Variants in ANO2 observed in about 807,000 individuals in gnomAD.
ANO2 encodes the protein anoctamin-2.
A neutral mutation model predicts 124.2 loss-of-function variants in ANO2; 101 were observed. The observed-to-expected ratio is 0.81, with a 90% CI of 0.69 to 0.96. ANO2 has a LOEUF of 0.96. Among genes scored for constraint, ANO2 ranks in the 40% least tolerant of loss-of-function variants. ANO2 has a pLI of 0.00. For missense variants in ANO2, 1,293 were observed against 1,274.5 expected (o/e 1.01, Z -0.22); for synonymous variants, 486 against 482.5 (o/e 1.01, Z -0.09).
At chr12:5,920,681 C>T (rs11615664) in intron 3 of ANO2, among the ~76,000 whole-genome samples, 23,031 of 151,926 alleles carry the variant, frequency 0.15, 1,984 homozygotes, top group Middle Eastern at 0.2. Context: ...CTGGCTAACA[C>T]GGTGAAACCC....
At chr12:5,691,850 C>T (rs1405486848) in intron 14 of ANO2, among the ~76,000 whole-genome samples, 2 of 151,610 alleles carry the variant, frequency 1.3e-5, no homozygotes, top group Non-Finnish European at 2.9e-5. Context: ...TGCGGTGGGC[C>T]GAGATCATGT....
intron 4 of ANO2, among the ~76,000 whole-genome samples, chr12:5,839,791 T>G (rs1954454769): frequency 6.6e-6 from 1 of 152,204 alleles, no homozygotes; most frequent in Non-Finnish European, 1.5e-5. Context: ...CATCTCTACC[T>G]TATAGATGAG....
At chr12:5,675,055 C>G (rs1268391147) in intron 14 of ANO2, among the ~76,000 whole-genome samples, 1 of 152,044 alleles carries the variant, frequency 6.6e-6, no homozygotes, top group East Asian at 1.9e-4. Context: ...TTGTGTTCCC[C>G]AAACCTACAA....
intron 19 of ANO2, among the ~76,000 whole-genome samples, chr12:5,610,625 A>T (rs972037480): frequency 1.4e-5 from 2 of 142,760 alleles, no homozygotes; most frequent in African/African-American, 2.6e-5. Flanking sequence ...GTATATATTT[A>T]TATATATGTA....
intron 20 of ANO2, among the ~76,000 whole-genome samples, chr12:5,585,987 T>C (rs920471033): frequency 6.6e-6 from 1 of 152,186 alleles, no homozygotes; most frequent in Non-Finnish European, 1.5e-5. Context: ...TGCAGCTATG[T>C]TTGAGCAGTA....
At chr12:5,693,821 A>C (rs1249875596) in intron 14 of ANO2, among the ~76,000 whole-genome samples, 1 of 152,054 alleles carries the variant, frequency 6.6e-6, no homozygotes, top group Non-Finnish European at 1.5e-5. Context: ...CCTCACTGCC[A>C]CATGACCAGC....
intron 19 of ANO2, among the ~76,000 whole-genome samples, chr12:5,608,076 C>T (rs923742091): frequency 1.3e-5 from 2 of 152,032 alleles, no homozygotes; most frequent in Admixed American, 6.6e-5. Flanking sequence ...AATCTTTGCC[C>T]TACAGATGTG....
At chr12:5,667,374 C>A (rs918386553) in intron 14 of ANO2, among the ~76,000 whole-genome samples, 1 of 152,002 alleles carries the variant, frequency 6.6e-6, no homozygotes, top group African/African-American at 2.4e-5. Flanking sequence ...TAGATGGCAC[C>A]TCTCCTGGTG....
intron 10 of ANO2, among the ~76,000 whole-genome samples, chr12:5,761,058 C>CAA (rs34278479): frequency 0.035 from 4,225 of 120,848 alleles, 100 homozygotes; most frequent in Non-Finnish European, 0.046. Flanking sequence ...ACCCCCACAG[C>CAA]AAAAAAAAAA....
intron 3 of ANO2, among the ~76,000 whole-genome samples, chr12:5,898,700 G>T (rs539976221): frequency 1.3e-5 from 2 of 152,316 alleles, no homozygotes; most frequent in South Asian, 4.1e-4. Context: ...TGTGATGCTA[G>T]AAGTCAGAAT....
chr12:5,843,150 T>G (rs1288253617), intron 4 of ANO2, among the ~76,000 whole-genome samples: 1 of 152,106 alleles, frequency 6.6e-6, no homozygotes, highest in Admixed American at 6.5e-5. Flanking sequence ...ATTTAAAAAG[T>G]TACTGACAAT....
Position 5,662,010 on chromosome 12 carries a change from C to T in ANO2, c.1546-14209G>A, listed in dbSNP as rs141474389. Among the ~76,000 whole-genome samples, 762 of 152,324 alleles carry T rather than the reference C, an allele frequency of 5.0e-3. 7 individuals are homozygous for T. The highest frequency in any genetic ancestry group is 0.017 in the African/African-American group (712 of 41,584). ...AGCCCCGCCAACTCGCCAACTGGCT[C>T]CCATGGCGCCCCTCCCTTCTCCCCC... On this transcript the variant is annotated intron_variant, in intron 14 of 24. Coordinates refer to ENST00000682330, the MANE Select transcript of ANO2 (RefSeq NM_001364791.2).
chr12:5,767,463 G>T (rs1036032692), intron 10 of ANO2, among the ~76,000 whole-genome samples: 1 of 152,134 alleles, frequency 6.6e-6, no homozygotes, highest in Non-Finnish European at 1.5e-5. Context: ...ACTATAAATG[G>T]ACTATGGTGA....
chr12:5,751,140 TCAA>T lies in ANO2; in HGVS notation c.1056-173_1056-171del, dbSNP rs1359244508. 9.2e-5 allele frequency among the ~76,000 whole-genome samples: 14 copies of T among 152,256 alleles called. No homozygotes were observed. The East Asian group carries it at 2.3e-3, about 25-fold the overall frequency. The stretch of plus-strand genomic sequence containing the variant: ...GAAGGGGAGGCTTCAGTACAAAGAA[TCAA>T]CAACTGAGCTTTTCTGGAATGACGT... On this transcript the variant is annotated intron_variant, in intron 10 of 24. Coordinates refer to ENST00000682330, the MANE Select transcript of ANO2 (RefSeq NM_001364791.2).
At chr12:5,788,108 G>A (rs1239042129) in intron 10 of ANO2, among the ~76,000 whole-genome samples, 1 of 152,190 alleles carries the variant, frequency 6.6e-6, no homozygotes, top group Non-Finnish European at 1.5e-5. Context: ...TCTTTCCTGT[G>A]CTCTGCTGAG....
intron 10 of ANO2, among the ~76,000 whole-genome samples, chr12:5,766,945 G>A (rs530279261): frequency 3.3e-5 from 5 of 152,298 alleles, no homozygotes; most frequent in Admixed American, 6.5e-5. Context: ...GCTGGCATTC[G>A]GCAGCACAGC....
chr12:5,574,136 G>C (rs1230585792), intron 23 of ANO2, among the ~76,000 whole-genome samples: 2 of 152,144 alleles, frequency 1.3e-5, no homozygotes, highest in African/African-American at 4.8e-5. Context: ...TTTTGTTATT[G>C]GTGTAATTAA....
At chr12:5,776,882 G>A (rs1019293651) in intron 10 of ANO2, among the ~76,000 whole-genome samples, 1 of 152,194 alleles carries the variant, frequency 6.6e-6, no homozygotes, top group Non-Finnish European at 1.5e-5. Context: ...TATGGGGGCA[G>A]AACAATGCCA....
chr12:5,635,183 G>T lies in ANO2; in HGVS notation c.1785C>A (p.Tyr595Ter). The change falls in exon 16 of 25, where the codon TAC (tyrosine) becomes TAA (stop). Residue 595 changes from tyrosine (Y) to a stop codon, truncating the protein, a stop_gained. Transcript: ENST00000682330. LOFTEE classifies it high-confidence loss of function. The surrounding 1 kb of genome is among the most constrained non-coding windows in gnomAD (Gnocchi z 5.2). ...LVVILILDEIYGAVAKWLTKI... is the reference protein window; with the variant it reads ...LVVILILDEI The stretch of plus-strand genomic sequence containing the variant: ...TGGTGAGCCACTTGGCCACAGCGCC[G>T]TAGATCTCGTCCAGGATGAGGATGA... 1 of 1,599,054 alleles carries T rather than the reference G, an allele frequency of 6.3e-7. No homozygotes were observed. The highest frequency in any genetic ancestry group is 8.5e-7 in the Non-Finnish European group (1 of 1,174,792).
Sources: allele counts gnomAD v4.1 joint callset (sites outside exome capture counted in the v4.1 genomes callset), GRCh38; gene constraint gnomAD v4.1.1; non-coding constraint Gnocchi (gnomAD v3.1); transcripts MANE v1.5; gene names NCBI Gene and HGNC (gene_info 2026-07-23, HGNC 2026-07-21).